Variants in CCDC171 observed in about 807,000 individuals in gnomAD.
The protein encoded by CCDC171 is coiled-coil domain containing 171, also known as coiled-coil domain-containing protein 171.
Under a neutral mutation model 168.2 loss-of-function variants are expected in CCDC171, and 177 were observed. The ratio of observed to expected loss-of-function variants is 1.05; its 90% CI spans 0.93 to 1.19. The LOEUF is 1.19. Among genes scored for constraint, CCDC171 ranks in the 50% most tolerant of loss-of-function variants. The pLI, the probability that CCDC171 is intolerant of heterozygous loss-of-function variation, is 0.00. For synonymous variants in CCDC171, 687 were observed against 540.8 expected (o/e 1.27, Z -3.75); for missense variants, 1,991 against 1,539.0 (o/e 1.29, Z -4.91).
At chr9:15,750,289 T>C (rs2055631114) in intron 18 of CCDC171, among the ~76,000 whole-genome samples, 1 of 152,162 alleles carries the variant, frequency 6.6e-6, no homozygotes, top group Non-Finnish European at 1.5e-5. Flanking sequence ...AATCTCTGAA[T>C]AGACCAATAA....
upstream of CCDC171, among the ~76,000 whole-genome samples, chr9:16,038,561 A>G (rs1185448707): frequency 6.6e-6 from 1 of 152,172 alleles, no homozygotes; most frequent in African/African-American, 2.4e-5. Flanking sequence ...CAGAAATACA[A>G]ATAAGACTGA....
chr9:15,796,988 A>C (rs1167625160), intron 21 of CCDC171, among the ~76,000 whole-genome samples: 2 of 152,200 alleles, frequency 1.3e-5, no homozygotes, highest in Admixed American at 1.3e-4. Context: ...AATTGGCTGC[A>C]TGATTTTACA....
intron 7 of CCDC171, among the ~76,000 whole-genome samples, chr9:15,633,625 A>G (rs2045941583): frequency 6.6e-6 from 1 of 152,228 alleles, no homozygotes; most frequent in African/African-American, 2.4e-5. Context: ...GCGATTCCTC[A>G]GGAATCTAGT....
intron 21 of CCDC171, among the ~76,000 whole-genome samples, chr9:15,833,560 T>A (rs1343423185): frequency 6.6e-6 from 1 of 152,208 alleles, no homozygotes; most frequent in African/African-American, 2.4e-5. Flanking sequence ...CAAAATACTT[T>A]ATTAATACAA....
At chr9:15,900,334 AGTATG>A (rs1821455700) in intron 24 of CCDC171, among the ~76,000 whole-genome samples, 1 of 152,212 alleles carries the variant, frequency 6.6e-6, no homozygotes, top group Non-Finnish European at 1.5e-5. Flanking sequence ...CAAGGAGCTG[AGTATG>A]CCCTTTAGGG....
the CCDC171 span, among the ~76,000 whole-genome samples, chr9:16,076,402 C>T: frequency 6.6e-6 from 1 of 152,168 alleles, no homozygotes; most frequent in Admixed American, 6.5e-5. Context: ...CCTCCAGATC[C>T]AGTCTTCCTT....
chr9:15,758,562 A>G (rs893212227), intron 18 of CCDC171, among the ~76,000 whole-genome samples: 31 of 151,876 alleles, frequency 2.0e-4, no homozygotes, highest in African/African-American at 6.8e-4. Flanking sequence ...ACTTTGGGGG[A>G]TGGTTGGGAA....
At chr9:16,025,043 A>G (rs1429068396) in intron 6 of CCDC171, among the ~76,000 whole-genome samples, 1 of 152,254 alleles carries the variant, frequency 6.6e-6, no homozygotes, top group Admixed American at 6.5e-5. Flanking sequence ...TTTGGAAAAC[A>G]GTTTGACAGT....
chr9:15,679,047 G>T, intron 10 of CCDC171, 151 bp downstream of exon 10: 1 of 558,774 alleles, frequency 1.8e-6, no homozygotes, highest in Non-Finnish European at 3.0e-6. Context: ...TGGAAATGCT[G>T]ATTACATCAA....
Position 15,793,551 on chromosome 9 carries a change from G to GTTTTTTTTTTTTTTTTTTTTTTT in CCDC171, c.3267+8864_3267+8886dup, listed in dbSNP as rs3082839. On this transcript the variant is annotated intron_variant, in intron 21 of 25. Coordinates refer to ENST00000380701, the MANE Select transcript of CCDC171 (RefSeq NM_173550.4). ...AGCACCACATCGCACTTATTCCAAGGTTTTTTTTTTTTTTTTTTTTTTTTT... is the reference window on the plus strand; with the variant it reads ...AGCACCACATCGCACTTATTCCAAGGTTTTTTTTTTTTTTTTTTTTTTTTTTTTTTTTTTTTTTTTTTTTTTTT... Among the ~76,000 whole-genome samples, 2 of 77,056 alleles carry GTTTTTTTTTTTTTTTTTTTTTTT rather than the reference G, an allele frequency of 2.6e-5. 1 individual carries two copies. The highest frequency in any genetic ancestry group is 1.3e-4 in the African/African-American group (2 of 15,522). 50.6% of individuals were successfully genotyped at this position (77,056 alleles called of 152,430 possible).
intron 3 of CCDC171, among the ~76,000 whole-genome samples, chr9:16,011,591 G>A (rs985803753): frequency 9.9e-5 from 15 of 152,038 alleles, no homozygotes; most frequent in African/African-American, 3.6e-4. Context: ...ACTTTTTAGT[G>A]GCAGGTCCAC....
chr9:15,751,597 A>G (rs146984617), intron 18 of CCDC171, among the ~76,000 whole-genome samples: 119 of 152,300 alleles, frequency 7.8e-4, no homozygotes, highest in African/African-American at 2.7e-3. Context: ...GGCCTCAGAA[A>G]TAACACCACA....
intron 20 of CCDC171, among the ~76,000 whole-genome samples, chr9:15,784,043 A>G (rs1227131831): frequency 6.6e-6 from 1 of 152,138 alleles, no homozygotes; most frequent in Non-Finnish European, 1.5e-5. Context: ...AAGATGGTAT[A>G]ATAGAGTGAT....
chr9:15,962,657 T>C (rs1162736331), intron 25 of CCDC171, among the ~76,000 whole-genome samples: 1 of 152,134 alleles, frequency 6.6e-6, no homozygotes, highest in Non-Finnish European at 1.5e-5. Context: ...ATTTTTGCTT[T>C]TGTGAACTGC....
chr9:15,967,897 G>A (rs991089729), intron 25 of CCDC171, among the ~76,000 whole-genome samples: 2 of 152,090 alleles, frequency 1.3e-5, no homozygotes, highest in Non-Finnish European at 2.9e-5. Context: ...GCCTTGGTCG[G>A]CAAAAAGGCT....
At chr9:15,921,267 C>T (rs1825290794) in intron 25 of CCDC171, among the ~76,000 whole-genome samples, 1 of 151,590 alleles carries the variant, frequency 6.6e-6, no homozygotes, top group Admixed American at 6.6e-5. Flanking sequence ...GGTCTGATTC[C>T]TCACCTTCTA....
chr9:16,014,631 T>C (rs894589165), intron 3 of CCDC171, among the ~76,000 whole-genome samples: 3 of 152,178 alleles, frequency 2.0e-5, no homozygotes, highest in African/African-American at 7.2e-5. Context: ...AAAGTACTCC[T>C]AATCCATGGG....
intron 23 of CCDC171, among the ~76,000 whole-genome samples, chr9:15,860,228 C>G (rs7867521): frequency 0.041 from 6,228 of 151,346 alleles, 313 homozygotes; most frequent in South Asian, 0.11. Context: ...CTTAGTTTTA[C>G]TGATTTTCTC....
At chr9:15,749,298 A>G (rs2134771819) in intron 18 of CCDC171, among the ~76,000 whole-genome samples, 1 of 152,362 alleles carries the variant, frequency 6.6e-6, no homozygotes, top group African/African-American at 2.4e-5. Flanking sequence ...TGCACCCAAT[A>G]CAGGAGCACC....
Sources: allele counts gnomAD v4.1 joint callset (sites outside exome capture counted in the v4.1 genomes callset), GRCh38; gene constraint gnomAD v4.1.1; transcripts MANE v1.5; gene names NCBI Gene and HGNC (gene_info 2026-07-23, HGNC 2026-07-21).